Variants in CFAP20DC observed in about 807,000 individuals in gnomAD.
CFAP20DC encodes the protein protein CFAP20DC.
In CFAP20DC, 84 loss-of-function variants were observed where a neutral mutation model predicts 101.7. The ratio of observed to expected loss-of-function variants is 0.83; its 90% confidence interval spans 0.69 to 0.99. The LOEUF (loss-of-function observed/expected upper bound fraction) is 0.99. CFAP20DC is among the 50% of genes least tolerant of loss of function. The pLI is 0.00. For synonymous variants in CFAP20DC, 359 were observed against 351.2 expected, an observed-to-expected ratio of 1.02 and a Z score of -0.25; for missense variants, 1,007 against 970.3, an observed-to-expected ratio of 1.04 and a Z score of -0.50.
At chr3:58,916,733 G>T (rs2084768914) in intron 5 of CFAP20DC, among the ~76,000 whole-genome samples, 1 of 152,070 alleles carries the variant, frequency 6.6e-6, no homozygotes, top group Admixed American at 6.6e-5. Context: ...ATCCCCCTTG[G>T]CTAGAGGAAA....
chr3:58,816,588 T>C (rs1473300113), intron 14 of CFAP20DC, among the ~76,000 whole-genome samples: 1 of 151,884 alleles, frequency 6.6e-6, no homozygotes, highest in Non-Finnish European at 1.5e-5. Context: ...CAGACCGGCT[T>C]AAAAAACGGT....
chr3:58,860,913 A>G (rs765737479), intron 12 of CFAP20DC, among the ~76,000 whole-genome samples: 5 of 152,190 alleles, frequency 3.3e-5, no homozygotes, highest in Non-Finnish European at 7.4e-5. Context: ...AATAAGAACA[A>G]CTTCAAAATT....
At chr3:58,822,456 A>T (rs960437064) in intron 14 of CFAP20DC, among the ~76,000 whole-genome samples, 7 of 149,854 alleles carry the variant, frequency 4.7e-5, no homozygotes, top group Admixed American at 2.0e-4. Context: ...GGGAGGGGGA[A>T]GGGATAGCAT....
At chr3:58,938,273 A>G (rs1465078875) in intron 4 of CFAP20DC, among the ~76,000 whole-genome samples, 1 of 152,244 alleles carries the variant, frequency 6.6e-6, no homozygotes, top group Non-Finnish European at 1.5e-5. Flanking sequence ...AACCAGAATT[A>G]TAATACACAA....
At chr3:58,836,694 G>T (rs2076759606) in intron 13 of CFAP20DC, among the ~76,000 whole-genome samples, 1 of 152,044 alleles carries the variant, frequency 6.6e-6, no homozygotes, top group Non-Finnish European at 1.5e-5. Context: ...TGATAGTCAT[G>T]GCCCAGGAGA....
intron 14 of CFAP20DC, among the ~76,000 whole-genome samples, chr3:58,809,033 C>A (rs1380370768): frequency 6.6e-6 from 1 of 152,076 alleles, no homozygotes; most frequent in African/African-American, 2.4e-5. Context: ...AATATATATG[C>A]ACCCAATACA....
At chr3:58,941,665 T>C (rs928663022) in intron 4 of CFAP20DC, among the ~76,000 whole-genome samples, 5 of 151,950 alleles carry the variant, frequency 3.3e-5, no homozygotes, top group African/African-American at 1.2e-4. Context: ...GCCTCCTGGG[T>C]TCACGCCATT....
intron 4 of CFAP20DC, among the ~76,000 whole-genome samples, chr3:58,947,381 T>C (rs1160972464): frequency 6.6e-6 from 1 of 152,176 alleles, no homozygotes; most frequent in East Asian, 1.9e-4. Context: ...TCAACAAACC[T>C]GGAATCCATG....
chr3:58,899,093 G>T lies in CFAP20DC; in HGVS notation c.551-14384C>A, dbSNP rs1210221370. Among the ~76,000 whole-genome samples, 1 of 152,174 alleles carries T rather than the reference G, an allele frequency of 6.6e-6. No homozygotes were observed. The highest frequency in any genetic ancestry group is 1.5e-5 in the Non-Finnish European group (1 of 68,028). On this transcript the variant is annotated intron_variant, in intron 6 of 16. Coordinates refer to ENST00000482387, the MANE Select transcript of CFAP20DC (RefSeq NM_001394063.1). This position sits in a 1 kb window ranked among gnomAD's most constrained non-coding sequence, Gnocchi z 5.0. ...CTCCATCCCAGGGGGGTACTGACCT[G>T]TTGCCAGCCTGAACTGCACCTGTAG...
At chr3:58,936,182 A>G (rs976487798) in intron 5 of CFAP20DC, among the ~76,000 whole-genome samples, 1 of 152,148 alleles carries the variant, frequency 6.6e-6, no homozygotes, top group African/African-American at 2.4e-5. Context: ...AATGCTCATC[A>G]TCACTGGCCA....
chr3:59,023,520 G>C (rs1008243188), intron 4 of CFAP20DC, among the ~76,000 whole-genome samples: 2 of 152,088 alleles, frequency 1.3e-5, no homozygotes, highest in South Asian at 2.1e-4. Flanking sequence ...CTGAGAGCTT[G>C]TAAGGTGCTC....
rs540942446 is a variant in CFAP20DC at position 58,760,679 on chromosome 3, A to G, written c.2238-6816T>C. Among the ~76,000 whole-genome samples, 706 of 152,212 alleles carry G rather than the reference A, an allele frequency of 4.6e-3. 5 individuals are homozygous for G. Among genetic ancestry groups the G allele is most frequent in the African/African-American group, 0.016 (661 of 41,498 alleles). On this transcript the variant is annotated intron_variant, in intron 15 of 16. Transcript: ENST00000482387. ...TGATATTGGCTGTGGGATTGTCATAAATAGCTCTTATTATTTTGAGATACA... is the reference window on the plus strand; with the variant it reads ...TGATATTGGCTGTGGGATTGTCATAGATAGCTCTTATTATTTTGAGATACA...
At chr3:58,842,820 A>G (rs2108210195) in intron 13 of CFAP20DC, among the ~76,000 whole-genome samples, 1 of 152,348 alleles carries the variant, frequency 6.6e-6, no homozygotes, top group East Asian at 1.9e-4. Flanking sequence ...AGATCTGACA[A>G]CCGGCAGACT....
In CFAP20DC at chr3:58,971,825, T is replaced by C. The variant is rs991145916; in HGVS notation, c.279-34063A>G. Among the ~76,000 whole-genome samples, 1 of 151,556 alleles carries C rather than the reference T, an allele frequency of 6.6e-6. No individual in the cohort carries two copies. The highest frequency in any genetic ancestry group is 1.5e-5 in the Non-Finnish European group (1 of 67,884). On this transcript the variant is annotated intron_variant, in intron 4 of 16. Coordinates refer to ENST00000482387, the MANE Select transcript of CFAP20DC (RefSeq NM_001394063.1). This position sits in a 1 kb window ranked among gnomAD's most constrained non-coding sequence, Gnocchi z 4.1. ...AAAGTGTGAATGGTATGATTCCACTTGTGGGAAAAAGGACTGTAATATCAT... is the reference window on the plus strand; with the variant it reads ...AAAGTGTGAATGGTATGATTCCACTCGTGGGAAAAAGGACTGTAATATCAT...
intron 16 of CFAP20DC, among the ~76,000 whole-genome samples, chr3:58,747,419 T>G (rs1379226956): frequency 1.3e-5 from 2 of 152,194 alleles, no homozygotes; most frequent in Non-Finnish European, 2.9e-5. Context: ...TAATGCATTT[T>G]AACTGTAGAT....
In CFAP20DC at chr3:58,884,654, G is replaced by C; in HGVS notation, c.606C>G (p.Ser202Arg). The C allele has an allele frequency of 6.2e-7, 1 of 1,613,798 alleles. No individual in the cohort carries two copies. Among genetic ancestry groups the C allele is most frequent in the East Asian group, 2.2e-5 (1 of 44,874 alleles). Residue 202 changes from serine (S) to arginine (R), a missense_variant, in exon 7 of 17, where the codon AGC becomes AGG. Coordinates refer to ENST00000482387, the MANE Select transcript of CFAP20DC (RefSeq NM_001394063.1). ...TDEPTDIIPR[S>R]CQLMTDVPHV... is the part of the protein sequence containing the mutation. ...GTGGAACATCTGTCATTAGTTGACAGCTTCGTGGTATAATATCTGTAGGCT... is the reference window on the plus strand; with the variant it reads ...GTGGAACATCTGTCATTAGTTGACACCTTCGTGGTATAATATCTGTAGGCT...
At chr3:58,934,649 T>C (rs1369031221) in intron 5 of CFAP20DC, among the ~76,000 whole-genome samples, 3 of 152,168 alleles carry the variant, frequency 2.0e-5, no homozygotes. Flanking sequence ...ATCCAGCATA[T>C]AAACAGAACC....
Position 58,884,717 on chromosome 3 carries a change from T to C in CFAP20DC, c.551-8A>G. 1 of 1,592,146 alleles carries C rather than the reference T, an allele frequency of 6.3e-7. No homozygotes were observed. The highest frequency in any genetic ancestry group is 8.6e-7 in the Non-Finnish European group (1 of 1,166,926). ...AGGGAACACCATAGACAGCTGGAAA[T>C]AAAGACAAACATTCATTTTCAAAAT... On this transcript the variant is annotated splice_polypyrimidine_tract_variant and splice_region_variant and intron_variant, in intron 6 of 16. Coordinates refer to ENST00000482387, the MANE Select transcript of CFAP20DC (RefSeq NM_001394063.1).
chr3:59,004,711 G>A (rs1352466350), intron 4 of CFAP20DC, among the ~76,000 whole-genome samples: 1 of 152,212 alleles, frequency 6.6e-6, no homozygotes, highest in African/African-American at 2.4e-5. Flanking sequence ...ACAGTCAGCT[G>A]TGGCTGCATA....
Sources: allele counts gnomAD v4.1 joint callset (sites outside exome capture counted in the v4.1 genomes callset), GRCh38; gene constraint gnomAD v4.1.1; non-coding constraint Gnocchi (gnomAD v3.1); transcripts MANE v1.5; gene names NCBI Gene and HGNC (gene_info 2026-07-23, HGNC 2026-07-21).